The following CFAP210 variants were observed in gnomAD, a reference collection of about 807,000 sequenced individuals.
The protein encoded by CFAP210 is cilia- and flagella- associated protein 210.
the CFAP210 span, chr2:169,674,681 T>C: frequency 6.2e-7 from 1 of 1,610,678 alleles, no homozygotes; most frequent in Non-Finnish European, 8.5e-7. Flanking sequence ...CAACTGTTCC[T>C]CCCATTTTTT....
At chr2:169,685,120 T>C in the CFAP210 span, among the ~76,000 whole-genome samples, 2 of 152,266 alleles carry the variant, frequency 1.3e-5, no homozygotes, top group Non-Finnish European at 2.9e-5. Context: ...ATATTTTTCA[T>C]TATCTTTGGT....
chr2:169,649,233 G>T, the CFAP210 span: 1 of 1,613,598 alleles, frequency 6.2e-7, no homozygotes, highest in Admixed American at 1.7e-5. Context: ...TATCAGCTTT[G>T]CATTTTTTCT....
the CFAP210 span, among the ~76,000 whole-genome samples, chr2:169,649,730 G>GA: frequency 1.3e-5 from 2 of 152,044 alleles, no homozygotes; most frequent in Non-Finnish European, 2.9e-5. Context: ...TCAGGAGTTC[G>GA]AGACCAGCCT....
chr2:169,676,238 G>A, the CFAP210 span, among the ~76,000 whole-genome samples: 6 of 151,446 alleles, frequency 4.0e-5, no homozygotes, highest in South Asian at 8.3e-4. Flanking sequence ...GTCATTCTCC[G>A]TGTCTATATC....
At chr2:169,687,657 T>C in the CFAP210 span, among the ~76,000 whole-genome samples, 1 of 152,224 alleles carries the variant, frequency 6.6e-6, no homozygotes, top group African/African-American at 2.4e-5. Flanking sequence ...TCCTGGCTGC[T>C]TTCACGGACT....
chr2:169,673,205 AC>A, the CFAP210 span, among the ~76,000 whole-genome samples: 1 of 152,214 alleles, frequency 6.6e-6, no homozygotes, highest in Non-Finnish European at 1.5e-5. Context: ...GACACATACT[AC>A]AAGGAAAAAA....
chr2:169,667,391 G>A, the CFAP210 span, among the ~76,000 whole-genome samples: 8 of 152,004 alleles, frequency 5.3e-5, no homozygotes, highest in East Asian at 3.9e-4. Context: ...CAACCACCTC[G>A]GCCTCCCAAA....
At chr2:169,674,885 TTCTG>T in the CFAP210 span, 1 of 1,518,296 alleles carries the variant, frequency 6.6e-7, no homozygotes, top group Non-Finnish European at 8.8e-7. Flanking sequence ...TTTTCACTCT[TTCTG>T]TCTGGTAAAA....
the CFAP210 span, among the ~76,000 whole-genome samples, chr2:169,649,919 T>C: frequency 8.3e-6 from 1 of 120,552 alleles, no homozygotes; most frequent in Admixed American, 7.6e-5. Context: ...CAAAACTCTG[T>C]CTCAAAAAAA....
At chr2:169,692,589 T>C in the CFAP210 span, among the ~76,000 whole-genome samples, 29 of 152,156 alleles carry the variant, frequency 1.9e-4, no homozygotes, top group African/African-American at 5.8e-4. Flanking sequence ...TCTGCCCTCA[T>C]GGCCTATCAC....
the CFAP210 span, among the ~76,000 whole-genome samples, chr2:169,677,763 A>G: frequency 6.6e-6 from 1 of 152,204 alleles, no homozygotes; most frequent in Admixed American, 6.5e-5. Context: ...TGGAAAAAAA[A>G]GAATTAAAAC....
At chr2:169,659,158 CT>C in the CFAP210 span, 1 of 152,076 alleles carries the variant, frequency 6.6e-6, no homozygotes, top group Admixed American at 6.6e-5. Flanking sequence ...GATATGTTAC[CT>C]TTGTCCACCA....
the CFAP210 span, among the ~76,000 whole-genome samples, chr2:169,657,682 T>C: frequency 9.4e-4 from 141 of 150,546 alleles, 1 homozygote; most frequent in African/African-American, 3.3e-3. Flanking sequence ...ATCATGCCAC[T>C]GCACTCCAGC....
chr2:169,674,956 C>A, the CFAP210 span: 3 of 1,542,900 alleles, frequency 1.9e-6, no homozygotes, highest in Non-Finnish European at 1.7e-6. Context: ...TTGTATATTT[C>A]TTCTTCCAGA....
At chr2:169,659,352 A>G in the CFAP210 span, 1 of 153,946 alleles carries the variant, frequency 6.5e-6, no homozygotes, top group African/African-American at 2.4e-5. Context: ...AGAGGTTTAA[A>G]TAGGCTCAAA....
chr2:169,683,731 G>C, the CFAP210 span, among the ~76,000 whole-genome samples: 139 of 152,276 alleles, frequency 9.1e-4, no homozygotes, highest in Non-Finnish European at 1.8e-3. Flanking sequence ...GATCCCTCCT[G>C]TTTGACATCT....
the CFAP210 span, chr2:169,674,463 A>T: frequency 1.2e-6 from 1 of 866,866 alleles, no homozygotes; most frequent in Non-Finnish European, 1.7e-6. Context: ...TCCTTTTTGT[A>T]CTTTTTCTAC....
At chr2:169,668,214 T>C in the CFAP210 span, among the ~76,000 whole-genome samples, 1 of 152,236 alleles carries the variant, frequency 6.6e-6, no homozygotes, top group Non-Finnish European at 1.5e-5. Context: ...AACCAACTTC[T>C]GCTAGCTTCA....
the CFAP210 span, among the ~76,000 whole-genome samples, chr2:169,678,359 A>AAG: frequency 2.7e-5 from 4 of 145,832 alleles, no homozygotes; most frequent in African/African-American, 7.7e-5. Context: ...AAAAAAAAAA[A>AAG]AAAAGAAAGA....
Sources: gnomAD v4.1 joint callset for allele counts (sites outside exome capture counted in the v4.1 genomes callset) on GRCh38, gnomAD v4.1.1 for gene constraint, MANE v1.5 for transcripts, NCBI Gene and HGNC (gene_info 2026-07-23, HGNC 2026-07-21) for gene names.